Variants in PCDH7 observed in about 807,000 individuals in gnomAD.
The protein encoded by PCDH7 is protocadherin 7, also known as protocadherin-7.
A neutral mutation model predicts 58.9 loss-of-function variants in PCDH7; 17 were observed. That is an observed-to-expected ratio of 0.29 (90% CI 0.20 to 0.43). The LOEUF is 0.43. Among genes scored for constraint, PCDH7 ranks in the 20% least tolerant of loss-of-function variants. PCDH7 has a pLI of 1.00. For missense variants in PCDH7, 1,274 were observed against 1,441.0 expected (o/e 0.88, Z 1.88); for synonymous variants, 664 against 616.4 (o/e 1.08, Z -1.14).
chr4:31,043,550 A>C (rs1006283379), intron 3 of PCDH7, among the ~76,000 whole-genome samples: 3 of 152,004 alleles, frequency 2.0e-5, no homozygotes, highest in Non-Finnish European at 4.4e-5. Context: ...TGAGCTTTTT[A>C]AGATATGTTT....
At chr4:31,141,277 A>G (rs1720218986) in intron 3 of PCDH7, among the ~76,000 whole-genome samples, 1 of 152,254 alleles carries the variant, frequency 6.6e-6, no homozygotes, top group Admixed American at 6.5e-5. Flanking sequence ...ACTGGTTGCA[A>G]ATATATTTTC....
intron 3 of PCDH7, among the ~76,000 whole-genome samples, chr4:31,138,783 T>G (rs1719913938): frequency 6.6e-6 from 1 of 151,970 alleles, no homozygotes; most frequent in Admixed American, 6.6e-5. Flanking sequence ...ACCAGCCTGG[T>G]CAACATGGTG....
chr4:30,871,588 C>T (rs746611094), intron 1 of PCDH7, among the ~76,000 whole-genome samples: 2 of 152,060 alleles, frequency 1.3e-5, no homozygotes, highest in Non-Finnish European at 2.9e-5. Context: ...AACAAAGTGT[C>T]GATGATCAGC....
At chr4:31,139,821 C>A (rs1259340246) in intron 3 of PCDH7, among the ~76,000 whole-genome samples, 1 of 152,124 alleles carries the variant, frequency 6.6e-6, no homozygotes, top group East Asian at 1.9e-4. Flanking sequence ...TGATGACAAA[C>A]ATTGCAACAT....
intron 1 of PCDH7, among the ~76,000 whole-genome samples, chr4:30,868,557 ATTTTTTTCT>A (rs1457985651): frequency 2.6e-4 from 39 of 151,780 alleles, no homozygotes; most frequent in Admixed American, 2.6e-3. Context: ...CTTGTGCTTA[ATTTTTTTCT>A]TTTTTTTCTA....
At chr4:30,936,526 C>T (rs1359115945) in intron 2 of PCDH7, among the ~76,000 whole-genome samples, 1 of 152,076 alleles carries the variant, frequency 6.6e-6, no homozygotes, top group Admixed American at 6.6e-5. Flanking sequence ...TTAAGCAAAT[C>T]CCTTAGCCTT....
In PCDH7 at chr4:31,106,181, T is replaced by C. The variant is rs570795472; in HGVS notation, c.*8-36292T>C. On this transcript the variant is annotated intron_variant, in intron 3 of 3. Transcript: ENST00000509759. The stretch of plus-strand genomic sequence containing the variant: ...AGTCCTCCCTCTTCCAGGCCAGTTC[T>C]GATTCCTTTTCAAAGCTCTGCCATT... Among the ~76,000 whole-genome samples the C allele has an allele frequency of 5.3e-5, 8 of 152,280 alleles. No individual in the cohort carries two copies. In the East Asian group the frequency reaches 1.5e-3, roughly 29 times the overall value.
At chr4:30,773,654 C>T (rs1293011822) in intron 1 of PCDH7, among the ~76,000 whole-genome samples, 1 of 152,058 alleles carries the variant, frequency 6.6e-6, no homozygotes, top group South Asian at 2.1e-4. Context: ...TCCTCTTGCC[C>T]ACCATCATAA....
At chr4:31,049,794 C>T (rs573339757) in intron 3 of PCDH7, among the ~76,000 whole-genome samples, 1 of 152,160 alleles carries the variant, frequency 6.6e-6, no homozygotes, top group South Asian at 2.1e-4. Context: ...GTCACATGGT[C>T]TCCAGTGAGG....
intron 1 of PCDH7, among the ~76,000 whole-genome samples, chr4:30,865,917 T>C (rs1362883911): frequency 5.9e-5 from 9 of 152,102 alleles, no homozygotes; most frequent in Admixed American, 5.9e-4. Flanking sequence ...GAATAGCAGA[T>C]GCATTCTTAT....
At chr4:30,898,773 A>G (rs1028878453) in intron 1 of PCDH7, among the ~76,000 whole-genome samples, 5 of 152,112 alleles carry the variant, frequency 3.3e-5, no homozygotes, top group Non-Finnish European at 7.3e-5. Flanking sequence ...TTGTATTTTT[A>G]GTAGAGACGG....
chr4:30,740,397 A>G (rs1238951306), intron 1 of PCDH7, among the ~76,000 whole-genome samples: 1 of 152,208 alleles, frequency 6.6e-6, no homozygotes, highest in African/African-American at 2.4e-5. Flanking sequence ...GGGAAGATGC[A>G]TATTAGACCA....
chr4:30,877,394 C>T (rs923372168), intron 1 of PCDH7, among the ~76,000 whole-genome samples: 2 of 151,990 alleles, frequency 1.3e-5, no homozygotes, highest in African/African-American at 2.4e-5. Flanking sequence ...TCTGGCACCT[C>T]GTAGTGTATT....
intron 1 of PCDH7, among the ~76,000 whole-genome samples, chr4:30,916,838 A>G (rs536624519): frequency 6.6e-6 from 1 of 152,098 alleles, no homozygotes; most frequent in Admixed American, 6.5e-5. Context: ...TCAGCTGGGG[A>G]TTTTTAAAAA....
At chr4:30,937,508 A>G (rs1479134867) in intron 2 of PCDH7, among the ~76,000 whole-genome samples, 1 of 152,126 alleles carries the variant, frequency 6.6e-6, no homozygotes, top group Non-Finnish European at 1.5e-5. Context: ...CAATTGATCT[A>G]AATTATTGAA....
intron 1 of PCDH7, among the ~76,000 whole-genome samples, chr4:30,756,748 T>C (rs1719362329): frequency 6.6e-6 from 1 of 152,252 alleles, no homozygotes; most frequent in South Asian, 2.1e-4. Flanking sequence ...CTTGCTTAGA[T>C]GTCTAACATC....
At chr4:30,869,761 T>A (rs2109361050) in intron 1 of PCDH7, among the ~76,000 whole-genome samples, 1 of 152,322 alleles carries the variant, frequency 6.6e-6, no homozygotes, top group African/African-American at 2.4e-5. Flanking sequence ...CACGTGTCTT[T>A]ATAGTAGAAT....
chr4:30,880,790 G>A (rs1043005143), intron 1 of PCDH7, among the ~76,000 whole-genome samples: 6 of 152,132 alleles, frequency 3.9e-5, no homozygotes, highest in Non-Finnish European at 7.4e-5. Context: ...AAGGAGAAGT[G>A]AATTATGGTA....
intron 3 of PCDH7, among the ~76,000 whole-genome samples, chr4:31,123,877 G>T (rs967785656): frequency 1.3e-5 from 2 of 152,008 alleles, no homozygotes; most frequent in Non-Finnish European, 2.9e-5. Context: ...CTCTCCAACC[G>T]TCCCCAGCCA....
Sources: allele counts gnomAD v4.1 joint callset (sites outside exome capture counted in the v4.1 genomes callset), GRCh38; gene constraint gnomAD v4.1.1; transcripts MANE v1.5; gene names NCBI Gene and HGNC (gene_info 2026-07-23, HGNC 2026-07-21).